CHRM3: variants seen among roughly 807,000 people sequenced by gnomAD.
CHRM3 encodes the protein muscarinic acetylcholine receptor M3.
In CHRM3, 11 loss-of-function variants were observed where a neutral mutation model predicts 41.8. That is an observed-to-expected ratio of 0.26 (90% CI 0.17 to 0.44). The LOEUF is 0.44. Among genes scored for constraint, CHRM3 ranks in the 20% least tolerant of loss-of-function variants. The probability of loss-of-function intolerance (pLI) is 1.00; values close to 1 mark genes in which losing one functional copy is unlikely to be tolerated. For synonymous variants in CHRM3, 297 were observed against 301.4 expected, an observed-to-expected ratio of 0.99 and a Z score of 0.15; for missense variants, 571 against 745.4, an observed-to-expected ratio of 0.77 and a Z score of 2.72.
rs766457306 is a variant in CHRM3, at chr1:239,554,452, ATG to A, written c.-313+8721_-313+8722del. On this transcript the variant is annotated intron_variant, in intron 3 of 6. Transcript: ENST00000676153. Reference sequence around the variant, plus strand: ...GGCAGGATGTGTGGAAAGGCATAGAATGTGTGTGTGTGTGTGTGTATGTGTGT... The same window carrying A: ...GGCAGGATGTGTGGAAAGGCATAGAATGTGTGTGTGTGTGTGTATGTGTGT... 2.7e-3 allele frequency among the ~76,000 whole-genome samples: 407 copies of A among 150,694 alleles called. 1 individual carries two copies. Among genetic ancestry groups the A allele is most frequent in the African/African-American group, 8.9e-3 (365 of 40,914 alleles).
At chr1:239,866,838 A>G (rs977208478) in intron 6 of CHRM3, among the ~76,000 whole-genome samples, 2 of 152,216 alleles carry the variant, frequency 1.3e-5, no homozygotes, top group African/African-American at 4.8e-5. Context: ...ACCTGGGATT[A>G]CTAAACTCTG....
intron 3 of CHRM3, among the ~76,000 whole-genome samples, chr1:239,601,479 C>T (rs1466086264): frequency 6.6e-6 from 1 of 151,172 alleles, no homozygotes; most frequent in East Asian, 1.9e-4. Context: ...AGGTTAGAGT[C>T]AGATAAAGGA....
chr1:239,756,352 C>T (rs2148615752), intron 5 of CHRM3, among the ~76,000 whole-genome samples: 1 of 152,262 alleles, frequency 6.6e-6, no homozygotes, highest in South Asian at 2.1e-4. Context: ...CTCAATGCTA[C>T]CAAAATGAAA....
chr1:239,735,005 C>T (rs1023006347), intron 5 of CHRM3, among the ~76,000 whole-genome samples: 1 of 152,024 alleles, frequency 6.6e-6, no homozygotes, highest in Non-Finnish European at 1.5e-5. Flanking sequence ...TGCATTTGCT[C>T]CAAAAGGGTG....
chr1:239,591,253 T>G (rs1416378), intron 3 of CHRM3, among the ~76,000 whole-genome samples: 125,206 of 151,966 alleles, frequency 0.82, 53,867 homozygotes, highest in Non-Finnish European at 0.93. Flanking sequence ...CTTCCTTGGG[T>G]CAAGCTTCTC....
At chr1:239,815,637 C>T (rs1286838317) in intron 5 of CHRM3, among the ~76,000 whole-genome samples, 4 of 152,144 alleles carry the variant, frequency 2.6e-5, no homozygotes, top group Non-Finnish European at 5.9e-5. Flanking sequence ...AAAGAAAATG[C>T]CAGCACATTT....
rs112715911 is a variant in CHRM3, at chr1:239,740,459, G to GT, written c.-147+62182dup. Among the ~76,000 whole-genome samples, 764 of 145,400 alleles carry GT rather than the reference G, an allele frequency of 5.3e-3. 7 individuals carry two copies. Among genetic ancestry groups the GT allele is most frequent in the African/African-American group, 0.016 (640 of 39,874 alleles). The stretch of plus-strand genomic sequence containing the variant: ...ACCAAGAAAGTTGACATTGAGGGTG[G>GT]TTTTTTTTTTTCTTTAAGTTCTGGG... On this transcript the variant is annotated intron_variant, in intron 5 of 6. Transcript: ENST00000676153.
At chr1:239,758,062 A>G (rs1289157180) in intron 5 of CHRM3, among the ~76,000 whole-genome samples, 1 of 152,184 alleles carries the variant, frequency 6.6e-6, no homozygotes, top group Admixed American at 6.5e-5. Flanking sequence ...ACAACAACAG[A>G]TATTGGTTTA....
Position 239,546,002 on chromosome 1 carries a change from A to G in CHRM3, c.-313+253A>G, listed in dbSNP as rs111426562. The G allele has an allele frequency of 7.1e-4, 108 of 152,282 alleles. 1 individual carries two copies. The highest frequency in any genetic ancestry group is 2.5e-3 in the African/African-American group (105 of 41,578). The allele number at this position is 152,282 out of a possible 1,614,324, so 9.4% of individuals were successfully genotyped here. ...TATAGGCAGAATTTAGAAGTATAGC[A>G]TCTTCCCTCTTTTTTAACTGAATTA... On this transcript the variant is annotated intron_variant, in intron 3 of 6. Transcript: ENST00000676153.
At chr1:239,828,979 T>G (rs570564731) in intron 6 of CHRM3, among the ~76,000 whole-genome samples, 1 of 152,228 alleles carries the variant, frequency 6.6e-6, no homozygotes, top group Non-Finnish European at 1.5e-5. Context: ...GGATGCACAC[T>G]ATGAGGGCTA....
chr1:239,841,813 T>A (rs1318237571), intron 6 of CHRM3, among the ~76,000 whole-genome samples: 1 of 152,212 alleles, frequency 6.6e-6, no homozygotes, highest in East Asian at 1.9e-4. Flanking sequence ...CCCAGGAAGT[T>A]GCCTCTATCT....
chr1:239,592,107 T>C (rs1664228800), intron 3 of CHRM3, among the ~76,000 whole-genome samples: 1 of 152,200 alleles, frequency 6.6e-6, no homozygotes, highest in Admixed American at 6.5e-5. Context: ...TAAGAGGAGC[T>C]TATTCATTTG....
intron 1 of CHRM3, among the ~76,000 whole-genome samples, chr1:239,393,230 T>C (rs1659194528): frequency 6.6e-6 from 1 of 152,214 alleles, no homozygotes; most frequent in Non-Finnish European, 1.5e-5. Flanking sequence ...GTTGGGTTTT[T>C]GGCTTCAAAT....
intron 3 of CHRM3, among the ~76,000 whole-genome samples, chr1:239,582,345 A>C (rs1469453907): frequency 6.6e-6 from 1 of 152,326 alleles, no homozygotes; most frequent in Admixed American, 6.5e-5. Context: ...TCTTCTTTAT[A>C]TAAAATCAAT....
At chr1:239,558,629 A>G (rs1391254617) in intron 3 of CHRM3, among the ~76,000 whole-genome samples, 1 of 152,188 alleles carries the variant, frequency 6.6e-6, no homozygotes, top group Non-Finnish European at 1.5e-5. Flanking sequence ...GACAGCCGGA[A>G]CTTGGGCAGC....
chr1:239,734,807 A>G (rs1664264616), intron 5 of CHRM3, among the ~76,000 whole-genome samples: 1 of 152,112 alleles, frequency 6.6e-6, no homozygotes, highest in Admixed American at 6.6e-5. Flanking sequence ...CTTCAAAACA[A>G]CCCAAGATGG....
chr1:239,509,151 C>T (rs1175412854), intron 2 of CHRM3, among the ~76,000 whole-genome samples: 2 of 152,314 alleles, frequency 1.3e-5, no homozygotes, highest in South Asian at 2.1e-4. Context: ...TAGTATTTTA[C>T]TTTCTTGATT....
At chr1:239,569,824 G>T (rs1285895526) in intron 3 of CHRM3, among the ~76,000 whole-genome samples, 1 of 152,042 alleles carries the variant, frequency 6.6e-6, no homozygotes, top group East Asian at 1.9e-4. Flanking sequence ...TGGAATGAAG[G>T]TGCACAGAGG....
chr1:239,514,360 T>A (rs1669121197), intron 2 of CHRM3, among the ~76,000 whole-genome samples: 1 of 76,342 alleles, frequency 1.3e-5, no homozygotes, highest in Non-Finnish European at 2.8e-5. Flanking sequence ...TTAAGTCTTA[T>A]TTCTAAGTCT....
Sources: gnomAD v4.1 joint callset for allele counts (sites outside exome capture counted in the v4.1 genomes callset) on GRCh38, gnomAD v4.1.1 for gene constraint, MANE v1.5 for transcripts, NCBI Gene and HGNC (gene_info 2026-07-23, HGNC 2026-07-21) for gene names.